SGCD: variants seen among roughly 807,000 people sequenced by gnomAD.
SGCD encodes the protein sarcoglycan delta, also known as delta-sarcoglycan.
SGCD carries 18 observed loss-of-function variants against 36.6 expected under a neutral mutation model. That is an observed-to-expected ratio of 0.49 (90% CI 0.34 to 0.73). The LOEUF (loss-of-function observed/expected upper bound fraction) is 0.73, where lower values mean the gene tolerates loss of function less well. SGCD is among the 30% of genes least tolerant of loss of function. The pLI is 0.01. For synonymous variants in SGCD, 133 were observed against 130.6 expected (o/e 1.02, Z -0.12); for missense variants, 387 against 346.7 (o/e 1.12, Z -0.92).
intron 3 of SGCD, among the ~76,000 whole-genome samples, chr5:156,161,948 A>G (rs1040663032): frequency 6.6e-6 from 1 of 151,510 alleles, no homozygotes; most frequent in African/African-American, 2.4e-5. Flanking sequence ...ATTCAGTCAC[A>G]TGCAGTCATT....
the SGCD span, among the ~76,000 whole-genome samples, chr5:155,854,364 G>T: frequency 6.6e-6 from 1 of 152,076 alleles, no homozygotes. Context: ...TTTCATATAG[G>T]TTTTATTATT....
At chr5:155,894,904 T>C (rs546290196) in intron 1 of SGCD, among the ~76,000 whole-genome samples, 2 of 152,290 alleles carry the variant, frequency 1.3e-5, no homozygotes, top group Non-Finnish European at 2.9e-5. Context: ...TGTGCTTGAC[T>C]CATCCTGCAA....
At chr5:155,921,608 C>G (rs1756881227) in intron 1 of SGCD, among the ~76,000 whole-genome samples, 1 of 152,058 alleles carries the variant, frequency 6.6e-6, no homozygotes, top group Non-Finnish European at 1.5e-5. Flanking sequence ...CAGTGCGAGA[C>G]AGATTCAAAA....
intron 5 of SGCD, among the ~76,000 whole-genome samples, chr5:156,590,924 T>C (rs932812568): frequency 6.6e-6 from 1 of 151,762 alleles, no homozygotes; most frequent in Non-Finnish European, 1.5e-5. Flanking sequence ...TCTTCCTCCT[T>C]CTCCCTCCTC....
the SGCD span, among the ~76,000 whole-genome samples, chr5:155,843,621 C>G: frequency 6.6e-6 from 1 of 152,188 alleles, no homozygotes; most frequent in Admixed American, 6.5e-5. Context: ...TTAATTGAAC[C>G]ATATGATCTT....
chr5:156,644,251 C>T (rs1763147018), intron 6 of SGCD, among the ~76,000 whole-genome samples: 1 of 152,042 alleles, frequency 6.6e-6, no homozygotes, highest in South Asian at 2.1e-4. Flanking sequence ...TCTAGTGTTT[C>T]TCCCAAATCC....
intron 2 of SGCD, among the ~76,000 whole-genome samples, chr5:156,121,144 T>C (rs1354568976): frequency 6.6e-6 from 1 of 151,998 alleles, no homozygotes. Flanking sequence ...TGTCATATGA[T>C]AAAAGATGGA....
chr5:156,462,342 C>T (rs1581028678), intron 3 of SGCD, among the ~76,000 whole-genome samples: 1 of 152,168 alleles, frequency 6.6e-6, no homozygotes, highest in South Asian at 2.1e-4. Flanking sequence ...TGACTTCTGA[C>T]ACCTATTCCT....
At chr5:156,340,746 G>A (rs750411928) in intron 2 of SGCD, among the ~76,000 whole-genome samples, 5 of 152,304 alleles carry the variant, frequency 3.3e-5, no homozygotes, top group East Asian at 1.9e-4. Flanking sequence ...AGGAATTAAC[G>A]TTTTAACTTC....
the SGCD span, among the ~76,000 whole-genome samples, chr5:155,859,299 TCAA>T: frequency 6.6e-6 from 1 of 152,056 alleles, no homozygotes; most frequent in African/African-American, 2.4e-5. Flanking sequence ...ACTCCTGGGC[TCAA>T]GTGATTCTCC....
chr5:155,859,033 T>C, the SGCD span, among the ~76,000 whole-genome samples: 3 of 151,882 alleles, frequency 2.0e-5, no homozygotes, highest in Non-Finnish European at 2.9e-5. Context: ...ACTGTTATAA[T>C]TTTTATTTTT....
chr5:156,047,884 A>G lies in SGCD; in HGVS notation c.-281-69994A>G, dbSNP rs951424271. On this transcript the variant is annotated intron_variant, in intron 1 of 9. Coordinates refer to the SGCD transcript ENST00000517913. Reference sequence around the variant, plus strand: ...CATGTGCACAATGTGCAGGTTAGTTACATATGTATACATGTGCCATGTTGG... The same window carrying G: ...CATGTGCACAATGTGCAGGTTAGTTGCATATGTATACATGTGCCATGTTGG... 1.3e-4 allele frequency among the ~76,000 whole-genome samples: 20 copies of G among 152,078 alleles called. 1 individual carries two copies.
chr5:155,767,070 T>C, the SGCD span, among the ~76,000 whole-genome samples: 1 of 152,174 alleles, frequency 6.6e-6, no homozygotes, highest in Non-Finnish European at 1.5e-5. Flanking sequence ...CTGACCTTGG[T>C]TCTATTAGTC....
intron 1 of SGCD, among the ~76,000 whole-genome samples, chr5:156,068,489 A>G (rs1261280912): frequency 1.3e-5 from 2 of 152,036 alleles, no homozygotes; most frequent in Non-Finnish European, 2.9e-5. Context: ...TCCATGGTGT[A>G]TATGTGCCAC....
chr5:156,591,583 C>T (rs946325095), intron 5 of SGCD, among the ~76,000 whole-genome samples: 4 of 152,168 alleles, frequency 2.6e-5, no homozygotes, highest in Non-Finnish European at 5.9e-5. Context: ...GGCCTTTGCA[C>T]CTCCCAGACT....
chr5:155,941,972 C>T (rs959314227), intron 1 of SGCD, among the ~76,000 whole-genome samples: 17 of 152,108 alleles, frequency 1.1e-4, no homozygotes, highest in African/African-American at 4.1e-4. Context: ...ATTATTAGCA[C>T]AATGGCAAAA....
the SGCD span, among the ~76,000 whole-genome samples, chr5:155,768,067 G>A: frequency 6.6e-6 from 1 of 152,070 alleles, no homozygotes; most frequent in Non-Finnish European, 1.5e-5. Flanking sequence ...TTTACCAGTG[G>A]TACTTTCAGT....
chr5:156,670,946 C>T (rs868660073), intron 7 of SGCD, among the ~76,000 whole-genome samples: 1 of 151,976 alleles, frequency 6.6e-6, no homozygotes, highest in Non-Finnish European at 1.5e-5. Context: ...ACCCTTTCCC[C>T]CTCCTTTCAC....
chr5:155,730,848 C>A, the SGCD span, among the ~76,000 whole-genome samples: 1 of 152,170 alleles, frequency 6.6e-6, no homozygotes, highest in South Asian at 2.1e-4. Context: ...TTTAGTTTCC[C>A]TCCTAAGGAG....
Sources: allele counts gnomAD v4.1 joint callset (sites outside exome capture counted in the v4.1 genomes callset), GRCh38; gene constraint gnomAD v4.1.1; transcripts MANE v1.5; gene names NCBI Gene and HGNC (gene_info 2026-07-23, HGNC 2026-07-21).